PHLDB2: variants seen among roughly 807,000 people sequenced by gnomAD.
PHLDB2 encodes the protein pleckstrin homology-like domain family B member 2.
A neutral mutation model predicts 123.6 loss-of-function variants in PHLDB2; 71 were observed. The ratio of observed to expected loss-of-function variants is 0.57; its 90% confidence interval spans 0.47 to 0.70. PHLDB2 has a LOEUF of 0.70. Ranked by LOEUF, PHLDB2 falls within the 30% of genes least tolerant of loss-of-function variation. PHLDB2 has a pLI of 0.00. For synonymous variants in PHLDB2, 547 were observed against 541.6 expected (o/e 1.01, Z -0.14); for missense variants, 1,446 against 1,519.5 (o/e 0.95, Z 0.80).
chr3:111,900,989 T>C (rs1178328713), intron 2 of PHLDB2, among the ~76,000 whole-genome samples: 1 of 152,124 alleles, frequency 6.6e-6, no homozygotes, highest in African/African-American at 2.4e-5. Flanking sequence ...CCTGATGTGC[T>C]GGGATCACAG....
At chr3:111,898,184 G>GTGTT (rs1367518975) in intron 2 of PHLDB2, among the ~76,000 whole-genome samples, 3 of 141,108 alleles carry the variant, frequency 2.1e-5, no homozygotes, top group Middle Eastern at 3.2e-3. Flanking sequence ...GTGTGTGTTT[G>GTGTT]TGTGTGTGTG....
intron 1 of PHLDB2, among the ~76,000 whole-genome samples, chr3:111,773,867 A>G (rs1194860325): frequency 6.6e-6 from 1 of 152,190 alleles, no homozygotes; most frequent in Non-Finnish European, 1.5e-5. Flanking sequence ...CTCAAATACT[A>G]CCATGTCACT....
At chr3:111,964,287 A>ACG (rs527589763) in intron 13 of PHLDB2, among the ~76,000 whole-genome samples, 1 of 104,564 alleles carries the variant, frequency 9.6e-6, no homozygotes, top group Admixed American at 8.3e-5. Flanking sequence ...GTGTCTCACC[A>ACG]CACACACACA....
intron 1 of PHLDB2, among the ~76,000 whole-genome samples, chr3:111,757,628 C>T (rs1211608520): frequency 6.6e-6 from 1 of 152,232 alleles, no homozygotes; most frequent in Non-Finnish European, 1.5e-5. Context: ...AGCTGCGTTC[C>T]TCTGGAGGAG....
At chr3:111,739,497 T>C (rs544148758) in intron 1 of PHLDB2, among the ~76,000 whole-genome samples, 1 of 151,136 alleles carries the variant, frequency 6.6e-6, no homozygotes, top group South Asian at 2.1e-4. Context: ...ACTGTGTGTG[T>C]TTGGAGGAGG....
chr3:111,956,174 A>G (rs2071044196), intron 12 of PHLDB2, among the ~76,000 whole-genome samples: 1 of 152,218 alleles, frequency 6.6e-6, no homozygotes, highest in South Asian at 2.1e-4. Flanking sequence ...AGCCTAGGCA[A>G]CAGAGCAAGA....
intron 1 of PHLDB2, among the ~76,000 whole-genome samples, chr3:111,742,786 T>G (rs1417257937): frequency 6.6e-6 from 1 of 152,212 alleles, no homozygotes; most frequent in East Asian, 1.9e-4. Flanking sequence ...TGCATGTGTC[T>G]TTATAGCAGC....
At chr3:111,741,677 G>A (rs1016783854) in intron 1 of PHLDB2, among the ~76,000 whole-genome samples, 1 of 152,116 alleles carries the variant, frequency 6.6e-6, no homozygotes, top group African/African-American at 2.4e-5. Context: ...AACCTAAATA[G>A]TTGTTTAATT....
At chr3:111,835,259 G>C (rs1003989758) in intron 1 of PHLDB2, among the ~76,000 whole-genome samples, 10 of 152,070 alleles carry the variant, frequency 6.6e-5, no homozygotes, top group African/African-American at 2.4e-4. Context: ...AGCATCTAGA[G>C]CTGTGGTTTG....
chr3:111,903,926 C>T (rs996527130), intron 2 of PHLDB2, among the ~76,000 whole-genome samples: 1 of 152,058 alleles, frequency 6.6e-6, no homozygotes. Context: ...CTGATAAGTG[C>T]CAGAACTTCA....
chr3:111,746,883 CCTA>C lies in PHLDB2; in HGVS notation c.-49+14182_-49+14184del, dbSNP rs1260480070. ...TATTTCAGAGAGGAGAAAAAAGTAA[CCTA>C]CAAGAAGTGCAAATTAACTGGTTCT... On this transcript the variant is annotated intron_variant, in intron 1 of 17. Transcript: ENST00000393923. Among the ~76,000 whole-genome samples the C allele has an allele frequency of 1.7e-4, 26 of 152,170 alleles. 1 individual carries two copies. Among genetic ancestry groups the C allele is most frequent in the Non-Finnish European group, 3.4e-4 (23 of 67,982 alleles).
intron 9 of PHLDB2, among the ~76,000 whole-genome samples, chr3:111,947,893 A>AATTTT (rs1231346548): frequency 1.3e-5 from 2 of 152,196 alleles, no homozygotes; most frequent in African/African-American, 4.8e-5. Flanking sequence ...AAATTTGTAA[A>AATTTT]AGGATTGATG....
chr3:111,807,812 A>G (rs4373041), intron 1 of PHLDB2, among the ~76,000 whole-genome samples: 54,202 of 152,026 alleles, frequency 0.36, 10,009 homozygotes, highest in East Asian at 0.48. Flanking sequence ...AGGAAGAGGA[A>G]TAGGAAGAGG....
chr3:111,752,756 T>C (rs1194438890), intron 1 of PHLDB2, among the ~76,000 whole-genome samples: 3 of 152,014 alleles, frequency 2.0e-5, no homozygotes, highest in Non-Finnish European at 2.9e-5. Flanking sequence ...CATTAACTCC[T>C]CATTTAGCAT....
intron 1 of PHLDB2, among the ~76,000 whole-genome samples, chr3:111,741,749 A>G (rs2059607823): frequency 6.6e-6 from 1 of 152,194 alleles, no homozygotes; most frequent in Non-Finnish European, 1.5e-5. Flanking sequence ...TATTGATAGC[A>G]TACTCTTTTC....
At chr3:111,835,139 TA>T (rs2063340936) in intron 1 of PHLDB2, among the ~76,000 whole-genome samples, 1 of 152,096 alleles carries the variant, frequency 6.6e-6, no homozygotes, top group Non-Finnish European at 1.5e-5. Context: ...GCACATGCCT[TA>T]AATATTTAAT....
intron 6 of PHLDB2, among the ~76,000 whole-genome samples, chr3:111,934,389 A>G (rs2069335844): frequency 6.6e-6 from 1 of 152,214 alleles, no homozygotes; most frequent in Admixed American, 6.5e-5. Flanking sequence ...ACTTCAAAAT[A>G]TGACTTCACT....
At chr3:111,860,713 A>C (rs1240176325) in intron 1 of PHLDB2, among the ~76,000 whole-genome samples, 3 of 151,824 alleles carry the variant, frequency 2.0e-5, no homozygotes, top group African/African-American at 7.3e-5. Flanking sequence ...TCGGTAAACT[A>C]CCCGTGGCTG....
intron 5 of PHLDB2, among the ~76,000 whole-genome samples, chr3:111,923,526 T>C (rs2068642749): frequency 6.6e-6 from 1 of 152,216 alleles, no homozygotes; most frequent in Non-Finnish European, 1.5e-5. Context: ...CTTTTTGGAA[T>C]TCTGACTCAT....
Sources: gnomAD v4.1 joint callset for allele counts (sites outside exome capture counted in the v4.1 genomes callset) on GRCh38, gnomAD v4.1.1 for gene constraint, MANE v1.5 for transcripts, NCBI Gene and HGNC (gene_info 2026-07-23, HGNC 2026-07-21) for gene names.